Variants in CTNNA3 observed in about 807,000 individuals in gnomAD.
CTNNA3 encodes the protein catenin alpha 3, also known as catenin alpha-3.
Under a neutral mutation model 95.7 loss-of-function variants are expected in CTNNA3, and 76 were observed. That is an observed-to-expected ratio of 0.79 (90% CI 0.66 to 0.96). The LOEUF (loss-of-function observed/expected upper bound fraction) is 0.96, where lower values mean the gene tolerates loss of function less well. Ranked by LOEUF, CTNNA3 falls within the 40% of genes least tolerant of loss-of-function variation. CTNNA3 has a pLI of 0.00. For synonymous variants in CTNNA3, 431 were observed against 374.4 expected (o/e 1.15, Z -1.74); for missense variants, 1,191 against 1,089.8 (o/e 1.09, Z -1.31).
intron 13 of CTNNA3, among the ~76,000 whole-genome samples, chr10:66,233,502 G>A (rs897893201): frequency 2.0e-5 from 3 of 152,120 alleles, no homozygotes; most frequent in Non-Finnish European, 4.4e-5. Context: ...ACTTATTTAT[G>A]AGTGTCTTAA....
rs115857758 is a variant in CTNNA3 at position 66,898,222 on chromosome 10, T to C, written c.1048-122698A>G. On this transcript the variant is annotated intron_variant, in intron 7 of 17. Coordinates refer to ENST00000433211, the MANE Select transcript of CTNNA3 (RefSeq NM_013266.4). ...TTTTAGAGAACCAATCACTTATCATTAGAGAGAGTAGCTTGCATTATTTCT... is the reference window on the plus strand; with the variant it reads ...TTTTAGAGAACCAATCACTTATCATCAGAGAGAGTAGCTTGCATTATTTCT... Among the ~76,000 whole-genome samples the C allele has an allele frequency of 3.9e-3, 596 of 152,292 alleles. 2 individuals carry two copies. Among genetic ancestry groups the C allele is most frequent in the African/African-American group, 0.014 (563 of 41,568 alleles).
chr10:65,998,818 T>C (rs1402189241), intron 15 of CTNNA3, among the ~76,000 whole-genome samples: 7 of 152,138 alleles, frequency 4.6e-5, no homozygotes, highest in African/African-American at 9.7e-5. Context: ...AATAGCACTA[T>C]GTAGTGATAA....
At chr10:66,447,995 C>T (rs1305126713) in intron 11 of CTNNA3, among the ~76,000 whole-genome samples, 1 of 152,112 alleles carries the variant, frequency 6.6e-6, no homozygotes, top group Non-Finnish European at 1.5e-5. Context: ...AAACAAACAA[C>T]CCCATCAAAA....
At chr10:66,744,489 C>T (rs900567946) in intron 9 of CTNNA3, among the ~76,000 whole-genome samples, 62 of 152,082 alleles carry the variant, frequency 4.1e-4, no homozygotes, top group Non-Finnish European at 1.3e-4. Context: ...GGGGTTAGGA[C>T]ATTGGGGTTG....
chr10:67,301,201 C>T (rs555589043), intron 5 of CTNNA3, among the ~76,000 whole-genome samples: 1 of 152,198 alleles, frequency 6.6e-6, no homozygotes, highest in Non-Finnish European at 1.5e-5. Context: ...TTGTATGTGC[C>T]TAGTTTTTAA....
intron 1 of CTNNA3, among the ~76,000 whole-genome samples, chr10:67,650,873 T>TA (rs1009836361): frequency 1.5e-4 from 23 of 152,262 alleles, no homozygotes; most frequent in Non-Finnish European, 2.9e-4. Flanking sequence ...AAAATTTGCC[T>TA]AAGGGTTGCC....
chr10:66,680,670 G>A (rs1564614287), intron 9 of CTNNA3, among the ~76,000 whole-genome samples: 2 of 152,044 alleles, frequency 1.3e-5, no homozygotes, highest in Non-Finnish European at 2.9e-5. Flanking sequence ...TCCTTCAATA[G>A]TCAATAATTT....
intron 1 of CTNNA3, among the ~76,000 whole-genome samples, chr10:67,716,656 C>G (rs191585291): frequency 1.3e-5 from 2 of 152,206 alleles, no homozygotes; most frequent in Admixed American, 1.3e-4. Context: ...TGAACCCATC[C>G]TTTTTTATGG....
intron 9 of CTNNA3, among the ~76,000 whole-genome samples, chr10:66,729,145 A>G (rs1810341644): frequency 6.6e-6 from 1 of 152,214 alleles, no homozygotes; most frequent in Admixed American, 6.5e-5. Flanking sequence ...AAAAGTGGAC[A>G]TGAACAGACA....
chr10:66,006,234 C>T (rs536060081), intron 15 of CTNNA3, among the ~76,000 whole-genome samples: 5 of 151,886 alleles, frequency 3.3e-5, no homozygotes, highest in South Asian at 2.1e-4. Flanking sequence ...AGGATAGTCT[C>T]GATCTCCTGA....
chr10:66,754,633 A>C (rs1206391504), intron 9 of CTNNA3, among the ~76,000 whole-genome samples: 1 of 152,196 alleles, frequency 6.6e-6, no homozygotes, highest in Non-Finnish European at 1.5e-5. Context: ...AGGGGGTTAC[A>C]TCAAGAATTC....
At chr10:66,095,646 T>C (rs886233779) in intron 14 of CTNNA3, among the ~76,000 whole-genome samples, 1 of 152,102 alleles carries the variant, frequency 6.6e-6, no homozygotes, top group Non-Finnish European at 1.5e-5. Flanking sequence ...TAACTGCATG[T>C]AAACAAGCAA....
intron 1 of CTNNA3, among the ~76,000 whole-genome samples, chr10:67,683,581 T>TC (rs1205694919): frequency 5.9e-5 from 9 of 152,362 alleles, no homozygotes; most frequent in African/African-American, 2.2e-4. Flanking sequence ...ATTCATTTAT[T>TC]ACCCAGTTAA....
intron 5 of CTNNA3, among the ~76,000 whole-genome samples, chr10:67,308,584 T>C (rs530561431): frequency 2.4e-4 from 36 of 147,160 alleles, no homozygotes; most frequent in Non-Finnish European, 4.7e-4. Flanking sequence ...CTTTGAGACA[T>C]TTTTTTTCTA....
intron 16 of CTNNA3, among the ~76,000 whole-genome samples, chr10:65,979,044 G>A (rs1267145989): frequency 6.6e-6 from 1 of 152,044 alleles, no homozygotes; most frequent in Non-Finnish European, 1.5e-5. Context: ...GGAAAGTATG[G>A]TGCATGGCAT....
intron 7 of CTNNA3, among the ~76,000 whole-genome samples, chr10:66,897,126 T>C (rs1845526261): frequency 1.3e-5 from 2 of 152,192 alleles, no homozygotes; most frequent in Non-Finnish European, 2.9e-5. Context: ...GCTTAAAATG[T>C]CTGCTTTGTG....
chr10:66,242,385 G>A (rs980707242), intron 13 of CTNNA3, among the ~76,000 whole-genome samples: 11 of 152,116 alleles, frequency 7.2e-5, no homozygotes, highest in Non-Finnish European at 1.0e-4. Flanking sequence ...AGAAAATGGA[G>A]AAGCAAGCCA....
chr10:66,248,865 G>A (rs961656117), intron 13 of CTNNA3, among the ~76,000 whole-genome samples: 7 of 151,978 alleles, frequency 4.6e-5, no homozygotes, highest in African/African-American at 1.7e-4. Flanking sequence ...AAAGAAAACT[G>A]GAGGACTCAC....
At chr10:66,735,598 G>A (rs1007047808) in intron 9 of CTNNA3, among the ~76,000 whole-genome samples, 1 of 151,722 alleles carries the variant, frequency 6.6e-6, no homozygotes, top group African/African-American at 2.4e-5. Flanking sequence ...GATTCACTAT[G>A]GGTCAGTCTT....
Sources: gnomAD v4.1 joint callset for allele counts (sites outside exome capture counted in the v4.1 genomes callset) on GRCh38, gnomAD v4.1.1 for gene constraint, MANE v1.5 for transcripts, NCBI Gene and HGNC (gene_info 2026-07-23, HGNC 2026-07-21) for gene names.